Variants in SH3KBP1 observed in about 807,000 individuals in gnomAD.
SH3KBP1 encodes the protein SH3 domain containing kinase binding protein 1.
A neutral mutation model predicts 50.1 loss-of-function variants in SH3KBP1; 8 were observed. That is an observed-to-expected ratio of 0.16 (90% CI 0.09 to 0.29). The LOEUF is 0.29. Ranked by LOEUF, SH3KBP1 falls within the 10% of genes least tolerant of loss-of-function variation. The probability of loss-of-function intolerance (pLI) is 1.00; values close to 1 mark genes in which losing one functional copy is unlikely to be tolerated. For missense variants in SH3KBP1, 377 were observed against 535.2 expected, an observed-to-expected ratio of 0.70 and a Z score of 2.92; for synonymous variants, 227 against 218.6, an observed-to-expected ratio of 1.04 and a Z score of -0.34.
At chrX:19,645,935 G>A (rs2061979002) in intron 6 of SH3KBP1, among the ~76,000 whole-genome samples, 1 of 111,403 alleles carries the variant, frequency 9.0e-6, no homozygotes, top group Admixed American at 9.5e-5. Flanking sequence ...GGGCAGGACG[G>A]GCAGGCAGGT....
At chrX:19,719,880 C>CAATAAT (rs763492303) in intron 3 of SH3KBP1, among the ~76,000 whole-genome samples, 1 of 97,260 alleles carries the variant, frequency 1.0e-5, no homozygotes, top group Non-Finnish European at 2.1e-5. Context: ...ATAATAATAA[C>CAATAAT]AATAATAATA....
intron 1 of SH3KBP1, among the ~76,000 whole-genome samples, chrX:19,869,265 A>G (rs1248193734): frequency 1.8e-5 from 2 of 112,469 alleles, no homozygotes; most frequent in Non-Finnish European, 3.8e-5. Context: ...TACAGCAGGA[A>G]TAGGAAATTA....
At chrX:19,851,511 G>C (rs1288531083) in intron 1 of SH3KBP1, among the ~76,000 whole-genome samples, 1 of 112,158 alleles carries the variant, frequency 8.9e-6, no homozygotes, top group Non-Finnish European at 1.9e-5. Context: ...CTGATATATA[G>C]TAGGAACTTC....
chrX:19,827,781 CTTTTTTTTTTTTT>C (rs138898288), intron 2 of SH3KBP1, among the ~76,000 whole-genome samples: 2 of 36,224 alleles, frequency 5.5e-5, no homozygotes, highest in Admixed American at 3.2e-4. Flanking sequence ...GAAGTGCAGT[CTTTTTTTTTTTTT>C]TTTTTTTTTT....
At chrX:19,737,255 T>C (rs772667289) in intron 3 of SH3KBP1, among the ~76,000 whole-genome samples, 1 of 111,035 alleles carries the variant, frequency 9.0e-6, no homozygotes, top group East Asian at 2.8e-4. Context: ...CCAGAAAAAC[T>C]TCCCTTTGGA....
chrX:19,682,519 A>G (rs1003765025), intron 6 of SH3KBP1, among the ~76,000 whole-genome samples: 3 of 111,163 alleles, frequency 2.7e-5, no homozygotes, highest in African/African-American at 9.8e-5. Context: ...GTTCCTTTCC[A>G]AGATGGGGAC....
chrX:19,583,135 A>C (rs1012383004), intron 12 of SH3KBP1, among the ~76,000 whole-genome samples: 11 of 63,897 alleles, frequency 1.7e-4, no homozygotes, highest in African/African-American at 8.3e-4. Flanking sequence ...CATTATTATT[A>C]TTATTATTAT....
chrX:19,610,130 T>C (rs1454910558), intron 8 of SH3KBP1, among the ~76,000 whole-genome samples: 2 of 111,759 alleles, frequency 1.8e-5, no homozygotes, highest in Non-Finnish European at 3.8e-5. Context: ...ACCCTTGAAG[T>C]ATCAAGTTCA....
At chrX:19,715,031 T>C (rs1250143585) in intron 3 of SH3KBP1, among the ~76,000 whole-genome samples, 1 of 111,500 alleles carries the variant, frequency 9.0e-6, no homozygotes, top group Non-Finnish European at 1.9e-5. Context: ...CCCAGCACTT[T>C]GGGAGGCCAA....
At chrX:19,792,902 G>A (rs185308744) in intron 2 of SH3KBP1, among the ~76,000 whole-genome samples, 154 of 110,072 alleles carry the variant, frequency 1.4e-3, no homozygotes, top group African/African-American at 4.7e-3. Flanking sequence ...AGGCTTAACT[G>A]GCTCAAAATA....
At chrX:19,851,534 C>G (rs746750926) in intron 1 of SH3KBP1, among the ~76,000 whole-genome samples, 1 of 111,971 alleles carries the variant, frequency 8.9e-6, no homozygotes, top group Non-Finnish European at 1.9e-5. Flanking sequence ...AAATGTTTAC[C>G]AAATGAAAAT....
intron 1 of SH3KBP1, among the ~76,000 whole-genome samples, chrX:19,860,412 A>C (rs1176324218): frequency 9.0e-6 from 1 of 111,251 alleles, no homozygotes; most frequent in African/African-American, 3.3e-5. Flanking sequence ...GGTACCCATA[A>C]CAGCAAAATC....
At chrX:19,578,925 T>A (rs1279958468) in intron 12 of SH3KBP1, among the ~76,000 whole-genome samples, 1 of 111,246 alleles carries the variant, frequency 9.0e-6, no homozygotes, top group Non-Finnish European at 1.9e-5. Context: ...ATCCAAAGGT[T>A]CTGCTGTTAT....
intron 12 of SH3KBP1, among the ~76,000 whole-genome samples, chrX:19,588,002 A>C (rs1206923401): frequency 8.9e-6 from 1 of 112,501 alleles, no homozygotes; most frequent in Non-Finnish European, 1.9e-5. Context: ...TCAGGTCTGG[A>C]ACACACAATG....
chrX:19,557,174 A>T (rs2065515372), intron 13 of SH3KBP1, among the ~76,000 whole-genome samples: 1 of 112,275 alleles, frequency 8.9e-6, no homozygotes, highest in South Asian at 3.7e-4. Flanking sequence ...GGGCCCACAC[A>T]CAGATTCACA....
intron 12 of SH3KBP1, among the ~76,000 whole-genome samples, chrX:19,572,900 G>A (rs755338098): frequency 6.3e-5 from 7 of 111,380 alleles, no homozygotes; most frequent in Non-Finnish European, 7.5e-5. Context: ...ATATACCCAC[G>A]TGCCCTCCTG....
intron 3 of SH3KBP1, among the ~76,000 whole-genome samples, chrX:19,717,871 C>T (rs987594493): frequency 6.3e-5 from 7 of 111,214 alleles, no homozygotes; most frequent in African/African-American, 1.6e-4. Context: ...ATTTTATATT[C>T]GGTCCCCTTA....
At chrX:19,717,177 T>C (rs1012184698) in intron 3 of SH3KBP1, among the ~76,000 whole-genome samples, 4 of 111,456 alleles carry the variant, frequency 3.6e-5, no homozygotes, top group Non-Finnish European at 7.5e-5. Flanking sequence ...GACACAGACA[T>C]ACGCCAAACA....
intron 2 of SH3KBP1, among the ~76,000 whole-genome samples, chrX:19,773,223 C>T (rs1251926873): frequency 9.0e-6 from 1 of 111,417 alleles, no homozygotes; most frequent in African/African-American, 3.3e-5. Flanking sequence ...TCTGGCTCTC[C>T]GAGCTGTCAC....
Sources: gnomAD v4.1 joint callset for allele counts (sites outside exome capture counted in the v4.1 genomes callset) on GRCh38, gnomAD v4.1.1 for gene constraint, MANE v1.5 for transcripts, NCBI Gene and HGNC (gene_info 2026-07-23, HGNC 2026-07-21) for gene names.